CEP128: variants seen among roughly 807,000 people sequenced by gnomAD.
The protein encoded by CEP128 is centrosomal protein 128.
CEP128 carries 132 observed loss-of-function variants against 156.7 expected under a neutral mutation model. The ratio of observed to expected loss-of-function variants is 0.84; its 90% CI spans 0.73 to 0.97. The LOEUF is 0.97. Ranked by LOEUF, CEP128 falls within the 50% of genes least tolerant of loss-of-function variation. The probability of loss-of-function intolerance (pLI) is 0.00; values close to 1 mark genes in which losing one functional copy is unlikely to be tolerated. For missense variants in CEP128, 1,252 were observed against 1,281.9 expected, an observed-to-expected ratio of 0.98 and a Z score of 0.36; for synonymous variants, 469 against 448.9, an observed-to-expected ratio of 1.04 and a Z score of -0.57.
intron 19 of CEP128, among the ~76,000 whole-genome samples, chr14:80,709,616 T>C (rs552491881): frequency 6.6e-6 from 1 of 152,294 alleles, no homozygotes; most frequent in East Asian, 1.9e-4. Flanking sequence ...GCTTTACATA[T>C]AAAAAATAAC....
chr14:80,572,776 C>T (rs540807055), intron 20 of CEP128, among the ~76,000 whole-genome samples: 1 of 152,312 alleles, frequency 6.6e-6, no homozygotes, highest in African/African-American at 2.4e-5. Context: ...AGCTCAGACT[C>T]TTGACAGTTG....
chr14:80,706,255 A>G (rs1897238213), intron 19 of CEP128, among the ~76,000 whole-genome samples: 1 of 152,288 alleles, frequency 6.6e-6, no homozygotes, highest in African/African-American at 2.4e-5. Flanking sequence ...GTTCCATACC[A>G]TCTTTCAAGA....
chr14:80,715,010 C>T (rs1440676229), intron 19 of CEP128, among the ~76,000 whole-genome samples: 1 of 151,978 alleles, frequency 6.6e-6, no homozygotes, highest in East Asian at 1.9e-4. Flanking sequence ...ATCACTTGAG[C>T]CCAGCAGTCT....
At position 80,950,907 on chromosome 14, in the gene CEP128, A is replaced by G. The variant is rs12100577; in HGVS notation, c.-172+7271T>C. On this transcript the variant is annotated intron_variant, in intron 2 of 7. Transcript: ENST00000555529. The stretch of plus-strand genomic sequence containing the variant: ...AAATCTGAAAAGCATCCCGAGTAAG[A>G]AAAAAAAAAAAAAAAAAGCAGATTA... 0.016 allele frequency among the ~76,000 whole-genome samples: 316 copies of G among 19,636 alleles called. 2 individuals are homozygous for G. The African/African-American group carries it at 0.21, about 13-fold the overall frequency. 12.9% of individuals were successfully genotyped at this position (19,636 alleles called of 152,430 possible). A position where few individuals can be genotyped will look rare whatever the true frequency, so the allele number is the denominator to read the frequency against.
intron 7 of CEP128, among the ~76,000 whole-genome samples, chr14:80,896,407 C>T (rs1310932516): frequency 6.6e-6 from 1 of 152,184 alleles, no homozygotes. Context: ...TCATGCACAA[C>T]CATTTCCATT....
intron 19 of CEP128, among the ~76,000 whole-genome samples, chr14:80,638,712 T>G (rs1448361496): frequency 6.6e-6 from 1 of 152,196 alleles, no homozygotes; most frequent in Non-Finnish European, 1.5e-5. Context: ...ATTCAGTAAA[T>G]GTTTATTGGG....
chr14:80,633,706 C>G (rs527605862), intron 19 of CEP128, among the ~76,000 whole-genome samples: 2 of 152,194 alleles, frequency 1.3e-5, no homozygotes, highest in Admixed American at 6.5e-5. Context: ...GGGGATCAGA[C>G]TTATCTCATT....
intron 12 of CEP128, among the ~76,000 whole-genome samples, chr14:80,833,216 T>C (rs1184758136): frequency 6.6e-6 from 1 of 151,876 alleles, no homozygotes; most frequent in Non-Finnish European, 1.5e-5. Flanking sequence ...CTCAATAATA[T>C]GTATATATTG....
At chr14:80,493,711 C>T (rs574963530), downstream of CEP128, among the ~76,000 whole-genome samples, 8 of 152,178 alleles carry the variant, frequency 5.3e-5, no homozygotes, top group Non-Finnish European at 7.3e-5. Flanking sequence ...CAGTGTGGGT[C>T]GAACACTTAC....
intron 5 of CEP128, among the ~76,000 whole-genome samples, chr14:80,905,188 C>CA (rs11385061): frequency 0.69 from 104,785 of 151,736 alleles, 37,390 homozygotes; most frequent in African/African-American, 0.88. Flanking sequence ...TTATACTCTC[C>CA]AAGAAGCAAC....
intron 19 of CEP128, among the ~76,000 whole-genome samples, chr14:80,719,689 C>T (rs908033954): frequency 1.3e-5 from 2 of 151,898 alleles, no homozygotes; most frequent in African/African-American, 2.4e-5. Flanking sequence ...AAAAAGTCAC[C>T]CCAATGAGTT....
At chr14:80,805,269 G>A (rs1445057157) in intron 13 of CEP128, among the ~76,000 whole-genome samples, 3 of 151,906 alleles carry the variant, frequency 2.0e-5, no homozygotes, top group African/African-American at 4.8e-5. Flanking sequence ...AATGAGGCAG[G>A]GACCATATTC....
intron 9 of CEP128, among the ~76,000 whole-genome samples, chr14:80,854,174 A>C (rs906114545): frequency 5.3e-5 from 8 of 152,110 alleles, no homozygotes; most frequent in African/African-American, 1.9e-4. Context: ...GATGGCAAAA[A>C]CTTAAAGAAT....
intron 19 of CEP128, among the ~76,000 whole-genome samples, chr14:80,588,459 C>A (rs1281462349): frequency 6.6e-6 from 1 of 151,980 alleles, no homozygotes; most frequent in Non-Finnish European, 1.5e-5. Flanking sequence ...TTGATATATT[C>A]TCTCAGGGAA....
chr14:80,516,083 G>T (rs925095177), intron 23 of CEP128, among the ~76,000 whole-genome samples: 4 of 152,114 alleles, frequency 2.6e-5, no homozygotes, highest in African/African-American at 7.2e-5. Context: ...AGCCAGGCTG[G>T]TCTTGAATTC....
intron 2 of CEP128, among the ~76,000 whole-genome samples, chr14:80,918,935 T>C (rs1022801066): frequency 2.6e-5 from 4 of 152,150 alleles, no homozygotes; most frequent in African/African-American, 9.7e-5. Flanking sequence ...ATCTCTTATA[T>C]AAGAGAAAAT....
At chr14:80,864,669 G>A (rs868637973) in intron 8 of CEP128, among the ~76,000 whole-genome samples, 56 of 151,498 alleles carry the variant, frequency 3.7e-4, no homozygotes, top group Middle Eastern at 3.4e-3. Flanking sequence ...TGATTCTCCC[G>A]CCTCAGTCTC....
At chr14:80,609,851 A>G (rs1185857624) in intron 19 of CEP128, among the ~76,000 whole-genome samples, 1 of 152,038 alleles carries the variant, frequency 6.6e-6, no homozygotes, top group East Asian at 1.9e-4. Context: ...TATGTATGTG[A>G]GTCAAAAAAA....
intron 20 of CEP128, among the ~76,000 whole-genome samples, chr14:80,560,684 T>A (rs1230888819): frequency 3.3e-5 from 5 of 152,050 alleles, no homozygotes; most frequent in Admixed American, 3.3e-4. Context: ...CCAGTGAATA[T>A]AAAGCAGGCA....
Sources: allele counts gnomAD v4.1 joint callset (sites outside exome capture counted in the v4.1 genomes callset), GRCh38; gene constraint gnomAD v4.1.1; transcripts MANE v1.5; gene names NCBI Gene and HGNC (gene_info 2026-07-23, HGNC 2026-07-21).